Variants in MTA3 observed in about 807,000 individuals in gnomAD.
MTA3 encodes the protein metastasis-associated protein MTA3.
MTA3 carries 34 observed loss-of-function variants against 83.5 expected under a neutral mutation model. The observed-to-expected ratio is 0.41, with a 90% CI of 0.31 to 0.54. The LOEUF (loss-of-function observed/expected upper bound fraction) is 0.54, where lower values mean the gene tolerates loss of function less well. Ranked by LOEUF, MTA3 falls within the 20% of genes least tolerant of loss-of-function variation. The pLI is 0.33. For synonymous variants in MTA3, 303 were observed against 252.7 expected (o/e 1.20, Z -1.89); for missense variants, 761 against 726.4 (o/e 1.05, Z -0.55).
At chr2:42,699,173 G>A (rs567328026) in intron 11 of MTA3, among the ~76,000 whole-genome samples, 3 of 152,232 alleles carry the variant, frequency 2.0e-5, no homozygotes, top group African/African-American at 7.2e-5. Flanking sequence ...CTGACCTACT[G>A]CTTGTTTTGT....
chr2:42,512,804 A>G (rs1196897692), intron 2 of MTA3, among the ~76,000 whole-genome samples: 1 of 152,220 alleles, frequency 6.6e-6, no homozygotes, highest in Admixed American at 6.5e-5. Context: ...GAGAAATTGT[A>G]TATAACTTCC....
rs1676925260 is a variant in MTA3, at chr2:42,548,871, T to TA, written c.-140-21565dup. Among the ~76,000 whole-genome samples the TA allele has an allele frequency of 9.0e-4, 13 of 14,428 alleles. No individual in the cohort carries two copies. In the South Asian group the frequency reaches 0.013, roughly 14 times the overall value. 9.5% of individuals were successfully genotyped at this position (14,428 alleles called of 152,430 possible). On this transcript the variant is annotated intron_variant, in intron 2 of 17. Transcript: ENST00000405592. ...AATATATATATATAATATATATATA[T>TA]ATATAATATATATATATATATCAGC... is the stretch of plus-strand genomic sequence containing the variant.
At chr2:42,528,553 C>A (rs191094974) in intron 2 of MTA3, among the ~76,000 whole-genome samples, 1 of 152,122 alleles carries the variant, frequency 6.6e-6, no homozygotes, top group Admixed American at 6.6e-5. Flanking sequence ...TGTGTCTTTG[C>A]GGAGAGCCAG....
chr2:42,678,571 C>T (rs949299430), intron 8 of MTA3, among the ~76,000 whole-genome samples: 44 of 152,060 alleles, frequency 2.9e-4, no homozygotes, highest in African/African-American at 9.7e-4. Flanking sequence ...TCAAGTGATC[C>T]GCCTGCATTG....
chr2:42,651,575 G>A (rs13032110), intron 6 of MTA3, among the ~76,000 whole-genome samples: 3,012 of 152,004 alleles, frequency 0.02, 39 homozygotes, highest in Middle Eastern at 0.061. Context: ...GCTGGCGGAT[G>A]ACTTGAGGTC....
At chr2:42,728,524 G>GTGT (rs1317788153) in intron 16 of MTA3, among the ~76,000 whole-genome samples, 1 of 152,120 alleles carries the variant, frequency 6.6e-6, no homozygotes, top group Admixed American at 6.5e-5. Context: ...TGTTCTCATA[G>GTGT]TGGTTGTACT....
Position 42,729,086 on chromosome 2 carries a change from G to GTTTTTTGTTTTTTTT in MTA3, c.1759+6057_1759+6058insGTTTTTTTTTTTTTT, listed in dbSNP as rs1430675726. 1.2e-3 allele frequency among the ~76,000 whole-genome samples: 73 copies of GTTTTTTGTTTTTTTT among 60,128 alleles called. 18 individuals are homozygous for GTTTTTTGTTTTTTTT. The highest frequency in any genetic ancestry group is 0.04 in the Middle Eastern group (2 of 50). 39.4% of individuals were successfully genotyped at this position (60,128 alleles called of 152,430 possible). A position where few individuals can be genotyped will look rare whatever the true frequency, so the allele number is the denominator to read the frequency against. Reference sequence around the variant, plus strand: ...TTCTTTTATTAGTTTCACAGTTTGAGTTTTTTTTTTTTTTTTTTTTTTTTT... The same window carrying GTTTTTTGTTTTTTTT: ...TTCTTTTATTAGTTTCACAGTTTGAGTTTTTTGTTTTTTTTTTTTTTTTTTTTTTTTTTTTTTTTT... On this transcript the variant is annotated intron_variant, in intron 16 of 16. Coordinates refer to ENST00000405094, the MANE Select transcript of MTA3 (RefSeq NM_001330442.2).
chr2:42,562,912 C>A (rs1677736226), intron 2 of MTA3, among the ~76,000 whole-genome samples: 1 of 152,182 alleles, frequency 6.6e-6, no homozygotes. Flanking sequence ...ATCCTCTTCC[C>A]CAACTTGCCT....
intron 3 of MTA3, among the ~76,000 whole-genome samples, chr2:42,583,882 C>T (rs1161479129): frequency 6.6e-6 from 1 of 150,572 alleles, no homozygotes; most frequent in Non-Finnish European, 1.5e-5. Context: ...GCTTTTGTTG[C>T]CCAGGCTGGA....
intron 4 of MTA3, among the ~76,000 whole-genome samples, chr2:42,615,260 C>CT (rs1222645178): frequency 1.3e-3 from 178 of 135,350 alleles, no homozygotes; most frequent in Admixed American, 1.7e-3. Context: ...CTGTTTTTTT[C>CT]TTTTTTTTTT....
At chr2:42,605,815 G>A (rs1242677976) in intron 3 of MTA3, among the ~76,000 whole-genome samples, 2 of 132,174 alleles carry the variant, frequency 1.5e-5, no homozygotes, top group East Asian at 2.4e-4. Flanking sequence ...TCAGCTCCCA[G>A]ACGGGGCGGC....
intron 2 of MTA3, among the ~76,000 whole-genome samples, chr2:42,530,291 C>T (rs1675900108): frequency 1.3e-5 from 2 of 151,914 alleles, no homozygotes. Context: ...AGATTGAGAC[C>T]GTCCTGGCTA....
intron 9 of MTA3, among the ~76,000 whole-genome samples, chr2:42,690,865 TTTA>T (rs1692829052): frequency 2.1e-5 from 3 of 142,344 alleles, no homozygotes; most frequent in African/African-American, 7.9e-5. Context: ...ATTTTATTTA[TTTA>T]TTTATTTATT....
chr2:42,728,679 AG>A (rs1378849957), intron 16 of MTA3, among the ~76,000 whole-genome samples: 2 of 152,132 alleles, frequency 1.3e-5, no homozygotes, highest in African/African-American at 4.8e-5. Context: ...ACCTCATTGT[AG>A]TTTTGATTTG....
At chr2:42,540,170 A>G (rs1454086970) in intron 2 of MTA3, among the ~76,000 whole-genome samples, 3 of 125,416 alleles carry the variant, frequency 2.4e-5, no homozygotes, top group Non-Finnish European at 4.9e-5. Flanking sequence ...AACTTTGTAG[A>G]TTTTTTTTTT....
Position 42,634,249 on chromosome 2 carries a change from C to T in MTA3, c.318-5924C>T, listed in dbSNP as rs1339612078. ...ATCCTTGCTCCCTTGGTGTGGTAGT[C>T]ATGGAAATTTATGTATTTTAATTAG... On this transcript the variant is annotated intron_variant, in intron 4 of 16. Coordinates refer to ENST00000405094, the MANE Select transcript of MTA3 (RefSeq NM_001330442.2). Among the ~76,000 whole-genome samples, 4 of 152,188 alleles carry T rather than the reference C, an allele frequency of 2.6e-5. No individual in the cohort carries two copies. The South Asian group carries it at 6.2e-4, about 24-fold the overall frequency.
intron 16 of MTA3, among the ~76,000 whole-genome samples, chr2:42,733,471 A>C (rs560831591): frequency 1.6e-4 from 25 of 152,362 alleles, no homozygotes; most frequent in African/African-American, 6.0e-4. Flanking sequence ...GGGTGGCGAC[A>C]CAGCCAAACC....
chr2:42,725,230 C>A (rs1262741260), intron 16 of MTA3, among the ~76,000 whole-genome samples: 1 of 152,026 alleles, frequency 6.6e-6, no homozygotes, highest in Non-Finnish European at 1.5e-5. Flanking sequence ...AGTAGGTACT[C>A]AATATATATT....
At chr2:42,590,397 A>T (rs1006270245) in intron 3 of MTA3, among the ~76,000 whole-genome samples, 12 of 152,130 alleles carry the variant, frequency 7.9e-5, no homozygotes, top group Non-Finnish European at 1.6e-4. Flanking sequence ...CTTTCTTGCC[A>T]TGTGATCGCT....
Sources: gnomAD v4.1 joint callset for allele counts (sites outside exome capture counted in the v4.1 genomes callset) on GRCh38, gnomAD v4.1.1 for gene constraint, MANE v1.5 for transcripts, NCBI Gene and HGNC (gene_info 2026-07-23, HGNC 2026-07-21) for gene names.